MAP4K3: variants seen among roughly 807,000 people sequenced by gnomAD.
MAP4K3 encodes MAPK/ERK kinase kinase kinase 3.
In MAP4K3, 94 loss-of-function variants were observed where a neutral mutation model predicts 143.5. The ratio of observed to expected loss-of-function variants is 0.65; its 90% CI spans 0.55 to 0.78. The LOEUF (loss-of-function observed/expected upper bound fraction) is 0.78. Among genes scored for constraint, MAP4K3 ranks in the 30% least tolerant of loss-of-function variants. The pLI is 0.00. For synonymous variants in MAP4K3, 416 were observed against 347.2 expected (o/e 1.20, Z -2.20); for missense variants, 1,077 against 1,068.1 (o/e 1.01, Z -0.12).
intron 23 of MAP4K3, 66 bp downstream of exon 23, chr2:39,280,206 C>G: frequency 5.5e-6 from 5 of 901,750 alleles, no homozygotes; most frequent in Non-Finnish European, 8.1e-6. Context: ...AACAAAATCA[C>G]AAATGCTTTC....
intron 2 of MAP4K3, among the ~76,000 whole-genome samples, chr2:39,375,730 G>C (rs1180080368): frequency 6.6e-6 from 1 of 152,070 alleles, no homozygotes; most frequent in African/African-American, 2.4e-5. Context: ...ATTCCCATAA[G>C]ACCCTTCACG....
intron 1 of MAP4K3, among the ~76,000 whole-genome samples, chr2:39,378,759 T>C (rs995592480): frequency 6.6e-6 from 1 of 152,004 alleles, no homozygotes; most frequent in Admixed American, 6.6e-5. Flanking sequence ...GCAAAACCTA[T>C]TTTTGTAAGC....
chr2:39,342,629 G>GATA, intron 4 of MAP4K3, among the ~76,000 whole-genome samples: 1 of 152,152 alleles, frequency 6.6e-6, no homozygotes, highest in Admixed American at 6.5e-5. Context: ...AAAGTGAAAT[G>GATA]AAGTAAAATA....
intron 26 of MAP4K3, among the ~76,000 whole-genome samples, chr2:39,271,258 T>C (rs187528321): frequency 5.3e-5 from 8 of 152,192 alleles, no homozygotes; most frequent in Non-Finnish European, 8.8e-5. Flanking sequence ...GTCTCATTTA[T>C]ACATGGGACA....
chr2:39,391,199 A>C (rs965774869), intron 1 of MAP4K3, among the ~76,000 whole-genome samples: 13 of 151,304 alleles, frequency 8.6e-5, no homozygotes, highest in Middle Eastern at 3.4e-3. Flanking sequence ...ACTAAAAAAA[A>C]CACACAAAAA....
chr2:39,369,205 G>GTTTTGTT (rs1666011562), intron 2 of MAP4K3, among the ~76,000 whole-genome samples: 1 of 125,380 alleles, frequency 8.0e-6, no homozygotes, highest in African/African-American at 3.2e-5. Flanking sequence ...TTTTTTTTTT[G>GTTTTGTT]TTTTTTTTGA....
At chr2:39,315,787 A>G (rs1476136573) in intron 12 of MAP4K3, among the ~76,000 whole-genome samples, 1 of 152,146 alleles carries the variant, frequency 6.6e-6, no homozygotes, top group Non-Finnish European at 1.5e-5. Flanking sequence ...GAAAGGAAAT[A>G]CAACAGTGTA....
chr2:39,256,823 C>T (rs1254037533), intron 31 of MAP4K3, among the ~76,000 whole-genome samples: 1 of 152,100 alleles, frequency 6.6e-6, no homozygotes, highest in African/African-American at 2.4e-5. Context: ...AACCATCATG[C>T]CTGATTATCA....
At chr2:39,372,231 A>G (rs2148573421) in intron 2 of MAP4K3, among the ~76,000 whole-genome samples, 1 of 151,664 alleles carries the variant, frequency 6.6e-6, no homozygotes, top group African/African-American at 2.4e-5. Context: ...TTAACCAAAA[A>G]AATGAAAGAT....
At position 39,269,579 on chromosome 2, in the gene MAP4K3, A is replaced by G. The variant is rs558325246; in HGVS notation, c.1974-2332T>C. Among the ~76,000 whole-genome samples, 4 of 149,172 alleles carry G rather than the reference A, an allele frequency of 2.7e-5. No individual in the cohort carries two copies. In the Admixed American group the frequency reaches 2.7e-4, roughly 10 times the overall value. On this transcript the variant is annotated intron_variant, in intron 26 of 33. Transcript: ENST00000263881. ...AACCTCTGCCTCTTGGGTTCAGGCAATTCTCCTGCCTCAGCCTCCCAGGTA... is the reference window on the plus strand; with the variant it reads ...AACCTCTGCCTCTTGGGTTCAGGCAGTTCTCCTGCCTCAGCCTCCCAGGTA...
intron 3 of MAP4K3, among the ~76,000 whole-genome samples, chr2:39,354,374 T>C (rs1195993442): frequency 6.6e-6 from 1 of 151,922 alleles, no homozygotes; most frequent in Non-Finnish European, 1.5e-5. Context: ...ACCCGGGAGG[T>C]GGAGCTTGCA....
chr2:39,428,489 A>G (rs562807330), intron 1 of MAP4K3, among the ~76,000 whole-genome samples: 4 of 152,128 alleles, frequency 2.6e-5, no homozygotes, highest in African/African-American at 7.2e-5. Context: ...CCTGGCCAAC[A>G]TGGCGAAACT....
chr2:39,293,988 A>G (rs1682164154), intron 16 of MAP4K3: 1 of 152,228 alleles, frequency 6.6e-6, no homozygotes, highest in African/African-American at 2.4e-5. Flanking sequence ...GAACTATGGC[A>G]TTCCTGAAGT....
chr2:39,434,503 C>G (rs561032816), intron 1 of MAP4K3, among the ~76,000 whole-genome samples: 8 of 152,262 alleles, frequency 5.3e-5, no homozygotes, highest in African/African-American at 1.4e-4. Flanking sequence ...TGTGGCACAG[C>G]AGGAATTAGG....
chr2:39,352,962 T>C (rs1478607727), intron 3 of MAP4K3, among the ~76,000 whole-genome samples: 1 of 152,196 alleles, frequency 6.6e-6, no homozygotes, highest in African/African-American at 2.4e-5. Context: ...GGGGTTTCTA[T>C]CAAGTTCAAA....
At position 39,391,911 on chromosome 2, in the gene MAP4K3, G is replaced by T. The variant is rs573764746; in HGVS notation, c.97-13788C>A. 1.2e-3 allele frequency among the ~76,000 whole-genome samples: 181 copies of T among 152,114 alleles called. 2 individuals are homozygous for T. The South Asian group carries it at 0.036, about 30-fold the overall frequency. The stretch of plus-strand genomic sequence containing the variant: ...TAAAATGTGAAAATGGGCCAGGCGC[G>T]GTGGCTCACATCTGTAATCCTAGCA... On this transcript the variant is annotated intron_variant, in intron 1 of 33. Transcript: ENST00000263881.
chr2:39,381,254 T>C (rs1274944439), intron 1 of MAP4K3, among the ~76,000 whole-genome samples: 1 of 152,234 alleles, frequency 6.6e-6, no homozygotes, highest in Non-Finnish European at 1.5e-5. Context: ...GTACACATTT[T>C]TGTGTGGACC....
intron 23 of MAP4K3, among the ~76,000 whole-genome samples, chr2:39,278,777 C>T (rs1297557848): frequency 6.6e-6 from 1 of 152,152 alleles, no homozygotes; most frequent in African/African-American, 2.4e-5. Flanking sequence ...GGATCTGCAG[C>T]TCCTTTTTCT....
intron 3 of MAP4K3, among the ~76,000 whole-genome samples, chr2:39,347,613 T>C (rs183219455): frequency 2.0e-5 from 3 of 152,312 alleles, no homozygotes; most frequent in Admixed American, 1.3e-4. Flanking sequence ...TTAAGTGTAG[T>C]GTAACTTAAA....
Sources: gnomAD v4.1 joint callset for allele counts (sites outside exome capture counted in the v4.1 genomes callset) on GRCh38, gnomAD v4.1.1 for gene constraint, MANE v1.5 for transcripts, NCBI Gene and HGNC (gene_info 2026-07-23, HGNC 2026-07-21) for gene names.